BIRC2: variants seen among roughly 807,000 people sequenced by gnomAD.
BIRC2 encodes baculoviral IAP repeat containing 2.
BIRC2 carries 18 observed loss-of-function variants against 60.9 expected under a neutral mutation model. The ratio of observed to expected loss-of-function variants is 0.30; its 90% CI spans 0.20 to 0.44. The LOEUF is 0.44. BIRC2 is among the 20% of genes least tolerant of loss of function. BIRC2 has a pLI of 1.00. For synonymous variants in BIRC2, 282 were observed against 247.7 expected (o/e 1.14, Z -1.30); for missense variants, 701 against 728.5 (o/e 0.96, Z 0.43).
At chr11:102,376,648 C>T (rs1451714632) in intron 6 of BIRC2, among the ~76,000 whole-genome samples, 10 of 151,230 alleles carry the variant, frequency 6.6e-5, no homozygotes, top group Non-Finnish European at 5.9e-5. Context: ...TTATGTGATG[C>T]GATATTAAAG....
intron 6 of BIRC2, 125 bp from the exon 7 acceptor site, chr11:102,377,371 A>T: frequency 4.9e-6 from 4 of 815,000 alleles, no homozygotes; most frequent in Non-Finnish European, 7.2e-6. Flanking sequence ...CAAACAAGTT[A>T]CTTTGTTCTT....
chr11:102,377,814 T>C, intron 7 of BIRC2, 43 bp from the exon 8 acceptor site: 1 of 1,594,518 alleles, frequency 6.3e-7, no homozygotes, highest in Non-Finnish European at 8.5e-7. Context: ...TGGCTCAGTT[T>C]TGTATTTAGT....
At chr11:102,364,164 TATATATATATACACAC>T (rs1375286381) in intron 5 of BIRC2, among the ~76,000 whole-genome samples, 6 of 82,176 alleles carry the variant, frequency 7.3e-5, no homozygotes, top group African/African-American at 2.9e-4. Flanking sequence ...TATATATATA[TATATATATATACACAC>T]ACACACAGAG....
At chr11:102,374,475 T>C (rs1275028199) in intron 6 of BIRC2, among the ~76,000 whole-genome samples, 1 of 149,960 alleles carries the variant, frequency 6.7e-6, no homozygotes, top group Non-Finnish European at 1.5e-5. Flanking sequence ...CCAGTTAGGC[T>C]GCTCGGGGGT....
chr11:102,368,684 C>T (rs1036565151), intron 6 of BIRC2, 136 bp downstream of exon 6: 1 of 1,238,740 alleles, frequency 8.1e-7, no homozygotes, highest in African/African-American at 1.5e-5. Flanking sequence ...GAAACCATCC[C>T]TCCTTTTCTA....
At position 102,363,938 on chromosome 11, in the gene BIRC2, T is replaced by C. The variant is rs35532699; in HGVS notation, c.1123+222T>C. Among the ~76,000 whole-genome samples the C allele has an allele frequency of 4.2e-3, 629 of 151,130 alleles. 3 individuals are homozygous for C. Among genetic ancestry groups the C allele is most frequent in the African/African-American group, 0.015 (606 of 41,092 alleles). On this transcript the variant is annotated intron_variant, in intron 5 of 8. Transcript: ENST00000227758. ...GGTGTGATGTGCCTGTAGTCTCAGC[T>C]ACTCGGGAGGCTGAGGCAGGAGAAT...
At chr11:102,367,212 T>C (rs1429764843) in intron 5 of BIRC2, among the ~76,000 whole-genome samples, 2 of 152,220 alleles carry the variant, frequency 1.3e-5, no homozygotes. Flanking sequence ...TATACCAGTT[T>C]AGTTCGTTTG....
intron 6 of BIRC2, among the ~76,000 whole-genome samples, chr11:102,375,793 A>G (rs1395103911): frequency 1.3e-5 from 2 of 151,988 alleles, no homozygotes; most frequent in African/African-American, 4.8e-5. Flanking sequence ...AAAAAAAAAA[A>G]AAAAATTCCA....
In BIRC2 at chr11:102,348,846, C is replaced by T. The variant is rs1371108856; in HGVS notation, c.-1009C>T. On this transcript the variant is annotated 5_prime_UTR_variant, in exon 2 of 9. Coordinates refer to ENST00000227758, the MANE Select transcript of BIRC2 (RefSeq NM_001166.5). ...ATATTTTGTTAGGCGTTTCTGATAA[C>T]ACTAGAAAGGACAAGTTTTATCTTG... 1 of 210,670 alleles carries T rather than the reference C, an allele frequency of 4.7e-6. No individual in the cohort carries two copies. 13.1% of individuals were successfully genotyped at this position (210,670 alleles called of 1,614,324 possible).
At chr11:102,366,583 G>T (rs1951555313) in intron 5 of BIRC2, among the ~76,000 whole-genome samples, 1 of 151,806 alleles carries the variant, frequency 6.6e-6, no homozygotes, top group Non-Finnish European at 1.5e-5. Flanking sequence ...GATTAGCCAG[G>T]ATGGTCTCGA....
chr11:102,378,023 A>G lies in BIRC2; in HGVS notation c.1697A>G (p.Gln566Arg). Reference protein sequence around the residue: ...LSLEEQLRRLQEERTCKVCMD... With the variant: ...LSLEEQLRRLREERTCKVCMD... ...CTGGAAGAACAATTGAGGAGGTTGC[A>G]AGAAGAACGAACTTGTAAAGTGTGT... The change falls in exon 9 of 9, where the codon CAA (glutamine) becomes CGA (arginine). Residue 566 changes from glutamine (Q) to arginine (R), a missense_variant. Around this residue, in one of 4 missense-constraint regions of BIRC2, gnomAD observed 52 missense variants for 83.9 expected, o/e 0.62. Coordinates refer to ENST00000227758, the MANE Select transcript of BIRC2 (RefSeq NM_001166.5). 6.2e-7 allele frequency: 1 copy of G among 1,611,948 alleles called. No homozygotes were observed. Among genetic ancestry groups the G allele is most frequent in the Non-Finnish European group, 8.5e-7 (1 of 1,179,266 alleles).
chr11:102,367,029 G>C (rs1346527061), intron 5 of BIRC2, among the ~76,000 whole-genome samples: 2 of 152,030 alleles, frequency 1.3e-5, no homozygotes, highest in Non-Finnish European at 2.9e-5. Flanking sequence ...TATTTCCATA[G>C]CTCACTCCTT....
At chr11:102,375,961 T>G (rs933737823) in intron 6 of BIRC2, among the ~76,000 whole-genome samples, 4 of 104,232 alleles carry the variant, frequency 3.8e-5, no homozygotes, top group African/African-American at 1.8e-4. Flanking sequence ...AGCACGTCAA[T>G]TTTTTTTTTT....
At chr11:102,358,944 T>G (rs538992174) in intron 3 of BIRC2, among the ~76,000 whole-genome samples, 2 of 152,380 alleles carry the variant, frequency 1.3e-5, no homozygotes, top group African/African-American at 4.8e-5. Context: ...TAGGAGAATT[T>G]GGCCCATTTA....
At position 102,377,560 on chromosome 11, in the gene BIRC2, T is replaced by C. The variant is rs1951728571; in HGVS notation, c.1431T>C (p.Pro477=). ...ALFQQLTCVL[P]ILDNLLKANV... ...TTCAACAATTGACATGTGTGCTTCC[T>C]ATCCTGGATAATCTTTTAAAGGCCA... Residue 477 remains proline, a synonymous_variant, in exon 7 of 9, where the codon CCT becomes CCC. Coordinates refer to ENST00000227758, the MANE Select transcript of BIRC2 (RefSeq NM_001166.5). 4.3e-6 allele frequency: 7 copies of C among 1,610,310 alleles called. No individual in the cohort carries two copies. The highest frequency in any genetic ancestry group is 2.7e-5 in the African/African-American group (2 of 74,750).
At chr11:102,357,704 AT>A (rs1373538058) in intron 3 of BIRC2, among the ~76,000 whole-genome samples, 1 of 151,888 alleles carries the variant, frequency 6.6e-6, no homozygotes, top group African/African-American at 2.4e-5. Flanking sequence ...AGCTTTGTTG[AT>A]TTTACTTATC....
Position 102,377,539 on chromosome 11 carries a change from A to G in BIRC2, c.1410A>G (p.Gln470=), listed in dbSNP as rs747216637. Residue 470 remains glutamine, a synonymous_variant, in exon 7 of 9, where the codon CAA becomes CAG. Transcript: ENST00000227758. The stretch of plus-strand genomic sequence containing the variant: ...GGAAGAACAGAATGGCTCTCTTTCA[A>G]CAATTGACATGTGTGCTTCCTATCC... ...LIRKNRMALF[Q]QLTCVLPILD... The G allele has an allele frequency of 4.4e-6, 7 of 1,603,684 alleles. No homozygotes were observed. Among genetic ancestry groups the G allele is most frequent in the African/African-American group, 2.7e-5 (2 of 74,254 alleles).
At chr11:102,355,821 T>G (rs1431200850) in intron 3 of BIRC2, among the ~76,000 whole-genome samples, 1 of 152,204 alleles carries the variant, frequency 6.6e-6, no homozygotes, top group Non-Finnish European at 1.5e-5. Flanking sequence ...ATTGTGTTTC[T>G]CTTTTACCTC....
intron 3 of BIRC2, among the ~76,000 whole-genome samples, chr11:102,356,680 A>ATTT (rs759616402): frequency 7.4e-5 from 10 of 134,572 alleles, no homozygotes; most frequent in African/African-American, 2.7e-4. Context: ...ATTATTATTA[A>ATTT]TTTTTTTTTT....
Sources: gnomAD v4.1 joint callset for allele counts (sites outside exome capture counted in the v4.1 genomes callset) on GRCh38, gnomAD v4.1.1 for gene constraint, gnomAD v4.1.1 regional missense constraint, MANE v1.5 for transcripts, NCBI Gene and HGNC (gene_info 2026-07-23, HGNC 2026-07-21) for gene names.